The following GSE1 variants were observed in gnomAD, a reference collection of about 807,000 sequenced individuals.
GSE1 encodes the protein genetic suppressor element 1.
GSE1 carries 32 observed loss-of-function variants against 112.6 expected under a neutral mutation model. The observed-to-expected ratio is 0.28, with a 90% CI of 0.21 to 0.38. The LOEUF (loss-of-function observed/expected upper bound fraction) is 0.38, where lower values mean the gene tolerates loss of function less well. GSE1 is among the 10% of genes least tolerant of loss of function. GSE1 has a pLI of 1.00. For missense variants in GSE1, 2,348 were observed against 1,699.2 expected, an observed-to-expected ratio of 1.38 and a Z score of -6.71; for synonymous variants, 1,115 against 735.6, an observed-to-expected ratio of 1.52 and a Z score of -8.35.
intron 2 of GSE1, among the ~76,000 whole-genome samples, chr16:85,376,558 C>A (rs551683505): frequency 6.6e-6 from 1 of 152,158 alleles, no homozygotes; most frequent in Non-Finnish European, 1.5e-5. Context: ...GCCTGCCGGG[C>A]GTGTGGTCCT....
At chr16:85,557,777 TAA>T (rs34691147) in intron 1 of GSE1, among the ~76,000 whole-genome samples, 17 of 138,730 alleles carry the variant, frequency 1.2e-4, no homozygotes, top group Admixed American at 3.6e-4. Flanking sequence ...CCAACTGACT[TAA>T]AAAAAAAAAA....
intron 1 of GSE1, among the ~76,000 whole-genome samples, chr16:85,202,699 C>CT (rs778856701): frequency 6.6e-5 from 10 of 152,220 alleles, no homozygotes; most frequent in Non-Finnish European, 1.5e-4. Context: ...GGGAGGGGCC[C>CT]TGGGGGGCCT....
chr16:85,416,998 G>C (rs2048717966), intron 2 of GSE1, among the ~76,000 whole-genome samples: 1 of 152,148 alleles, frequency 6.6e-6, no homozygotes, highest in African/African-American at 2.4e-5. Flanking sequence ...GGGAGTACAG[G>C]CACAAGCCAC....
chr16:85,638,881 C>T (rs2050219935), intron 2 of GSE1, among the ~76,000 whole-genome samples: 1 of 152,124 alleles, frequency 6.6e-6, no homozygotes, highest in Non-Finnish European at 1.5e-5. Context: ...GTCAATGGCT[C>T]TGGGCCGGGA....
rs369210550 is a variant in GSE1, at chr16:85,384,942, C to T, written c.2464+27299C>T. ...AGATCCGGCCTTGCATCCGGCCTGC[C>T]GCAGACCCAGCAGGTTAGCGTGCTG... On this transcript the variant is annotated intron_variant, in intron 2 of 2. Coordinates refer to the GSE1 transcript ENST00000637419. Among the ~76,000 whole-genome samples, 80 of 152,358 alleles carry T rather than the reference C, an allele frequency of 5.3e-4. No homozygotes were observed. The East Asian group carries it at 0.014, about 26-fold the overall frequency.
chr16:85,325,403 AC>A (rs2046205083), intron 1 of GSE1, among the ~76,000 whole-genome samples: 1 of 152,062 alleles, frequency 6.6e-6, no homozygotes, highest in Non-Finnish European at 1.5e-5. Context: ...TGGTTTTCAA[AC>A]CAAAAATTGA....
At chr16:85,603,556 A>G (rs542055567) in intron 1 of GSE1, among the ~76,000 whole-genome samples, 4 of 152,336 alleles carry the variant, frequency 2.6e-5, no homozygotes, top group African/African-American at 9.6e-5. Context: ...GCTGTGGTGC[A>G]GTGGTGCGGT....
chr16:85,393,915 C>G (rs1282505555), intron 2 of GSE1, among the ~76,000 whole-genome samples: 1 of 152,152 alleles, frequency 6.6e-6, no homozygotes, highest in Non-Finnish European at 1.5e-5. Context: ...GCCCGGCAGT[C>G]CTGATGCAGG....
At chr16:85,417,494 G>C (rs1227390620) in intron 2 of GSE1, among the ~76,000 whole-genome samples, 4 of 152,228 alleles carry the variant, frequency 2.6e-5, no homozygotes, top group East Asian at 1.9e-4. Flanking sequence ...AAGTGCCTGT[G>C]GTTTTAGAAG....
rs905817068 is a variant in GSE1, at chr16:85,261,100, G to T, written c.2283+89293G>T. Among the ~76,000 whole-genome samples the T allele has an allele frequency of 4.6e-5, 7 of 152,338 alleles. No homozygotes were observed. The South Asian group carries it at 1.2e-3, about 27-fold the overall frequency. ...CCTCACCCAGTGCTCTAAGTGATCA[G>T]CCCTTACCACCCCCGCCTGGAGGGC... On this transcript the variant is annotated intron_variant, in intron 1 of 2. Transcript: ENST00000637419.
intron 1 of GSE1, among the ~76,000 whole-genome samples, chr16:85,331,519 GTATATA>G (rs1487310802): frequency 8.8e-6 from 1 of 113,726 alleles, no homozygotes; most frequent in Non-Finnish European, 1.8e-5. Context: ...GTATATATGT[GTATATA>G]TGTGTATATG....
chr16:85,650,736 C>G (rs1442312299), intron 3 of GSE1, among the ~76,000 whole-genome samples: 1 of 152,184 alleles, frequency 6.6e-6, no homozygotes, highest in Non-Finnish European at 1.5e-5. Flanking sequence ...CGCTCGGGCA[C>G]AGAGGCTCAG....
At chr16:85,241,708 G>A (rs537324244) in intron 1 of GSE1, among the ~76,000 whole-genome samples, 1 of 152,190 alleles carries the variant, frequency 6.6e-6, no homozygotes, top group South Asian at 2.1e-4. Context: ...TATGTACTCA[G>A]CCCTCCTAGG....
intron 1 of GSE1, among the ~76,000 whole-genome samples, chr16:85,280,835 G>A (rs927312280): frequency 6.6e-6 from 1 of 152,178 alleles, no homozygotes; most frequent in African/African-American, 2.4e-5. Flanking sequence ...TTGTGTTACT[G>A]TGTCTGATTT....
intron 2 of GSE1, among the ~76,000 whole-genome samples, chr16:85,422,395 C>G (rs899941271): frequency 1.3e-5 from 2 of 152,014 alleles, no homozygotes; most frequent in South Asian, 2.1e-4. Context: ...TGTGGAGCCA[C>G]TAAATGAGGG....
chr16:85,177,647 G>T (rs2074494577), intron 1 of GSE1, among the ~76,000 whole-genome samples: 1 of 152,204 alleles, frequency 6.6e-6, no homozygotes, highest in African/African-American at 2.4e-5. Context: ...CTGAGGCCAT[G>T]TCTGGACTCT....
At chr16:85,408,553 C>A (rs1187530673) in intron 2 of GSE1, among the ~76,000 whole-genome samples, 1 of 33,854 alleles carries the variant, frequency 3.0e-5, no homozygotes, top group East Asian at 1.6e-3. Context: ...CACTCAGGGC[C>A]CCCCGGATAA....
At chr16:85,636,369 C>T (rs1006102140) in intron 2 of GSE1, among the ~76,000 whole-genome samples, 2 of 152,182 alleles carry the variant, frequency 1.3e-5, no homozygotes, top group Admixed American at 6.5e-5. Context: ...CCTGGAACGC[C>T]CTCAGCCAGG....
In GSE1 at chr16:85,309,161, G is replaced by A. The variant is rs574186904; in HGVS notation, c.2284-48302G>A. 8.6e-5 allele frequency among the ~76,000 whole-genome samples: 13 copies of A among 151,938 alleles called. No individual in the cohort carries two copies. The East Asian group carries it at 2.3e-3, about 27-fold the overall frequency. On this transcript the variant is annotated intron_variant, in intron 1 of 2. Transcript: ENST00000637419. ...CCAGGCCGCCCACAGGAAACAGAAT[G>A]CCAGCCAGATACAGGATTTTAAATG...
Sources: allele counts gnomAD v4.1 joint callset (sites outside exome capture counted in the v4.1 genomes callset), GRCh38; gene constraint gnomAD v4.1.1; transcripts MANE v1.5; gene names NCBI Gene and HGNC (gene_info 2026-07-23, HGNC 2026-07-21).